The following MPP7 variants were observed in gnomAD, a reference collection of about 807,000 sequenced individuals.
The protein encoded by MPP7 is MAGUK p55 subfamily member 7.
Under a neutral mutation model 76.5 loss-of-function variants are expected in MPP7, and 60 were observed. The ratio of observed to expected loss-of-function variants is 0.78; its 90% confidence interval spans 0.64 to 0.97. The LOEUF (loss-of-function observed/expected upper bound fraction) is 0.97, where lower values mean the gene tolerates loss of function less well. Among genes scored for constraint, MPP7 ranks in the 50% least tolerant of loss-of-function variants. The pLI is 0.00. For synonymous variants in MPP7, 237 were observed against 244.5 expected (o/e 0.97, Z 0.29); for missense variants, 641 against 694.0 (o/e 0.92, Z 0.86).
At chr10:28,113,299 AC>A (rs1834561656) in intron 11 of MPP7, among the ~76,000 whole-genome samples, 1 of 150,876 alleles carries the variant, frequency 6.6e-6, no homozygotes, top group African/African-American at 2.4e-5. Context: ...ATCCCAGACA[AC>A]TCCCCTCTTC....
intron 1 of MPP7, among the ~76,000 whole-genome samples, chr10:28,273,419 G>A (rs77981958): frequency 0.014 from 2,130 of 152,280 alleles, 50 homozygotes; most frequent in African/African-American, 0.048. Context: ...TTCAGATCAA[G>A]GTGTTTTGTC....
intron 2 of MPP7, among the ~76,000 whole-genome samples, chr10:28,210,173 C>T (rs1285920842): frequency 5.9e-5 from 9 of 152,182 alleles, no homozygotes; most frequent in Non-Finnish European, 1.2e-4. Flanking sequence ...TGGTTCTCCA[C>T]GTTGCAGATG....
intron 7 of MPP7, among the ~76,000 whole-genome samples, chr10:28,124,643 T>TTG (rs1378614470): frequency 1.2e-5 from 1 of 86,838 alleles, no homozygotes; most frequent in African/African-American, 7.1e-5. Flanking sequence ...ACTTGACTAA[T>TTG]TTTTTTTTTT....
intron 3 of MPP7, among the ~76,000 whole-genome samples, chr10:28,198,473 G>A (rs1231754513): frequency 1.3e-5 from 2 of 151,948 alleles, no homozygotes; most frequent in Admixed American, 1.3e-4. Context: ...TACTTAGGAG[G>A]CTGAGGCATG....
rs543121259 is a variant in MPP7, at chr10:28,207,151, G to GA, written c.38-4881dup. On this transcript the variant is annotated intron_variant, in intron 2 of 16. Transcript: ENST00000683449. Reference sequence around the variant, plus strand: ...TTCTCTGAGAAAGAATTTTAAGGAGGAAAAAAAATCTCACCTTATATTTGG... The same window carrying GA: ...TTCTCTGAGAAAGAATTTTAAGGAGGAAAAAAAAATCTCACCTTATATTTGG... Among the ~76,000 whole-genome samples the GA allele has an allele frequency of 3.6e-3, 550 of 151,504 alleles. 4 individuals are homozygous for GA. The highest frequency in any genetic ancestry group is 6.1e-3 in the Non-Finnish European group (412 of 67,810).
intron 1 of MPP7, among the ~76,000 whole-genome samples, chr10:28,290,256 C>T (rs1433947538): frequency 6.6e-6 from 1 of 151,552 alleles, no homozygotes; most frequent in Non-Finnish European, 1.5e-5. Flanking sequence ...CTAAGTGGCC[C>T]CACTCACGAA....
intron 5 of MPP7, among the ~76,000 whole-genome samples, chr10:28,139,760 T>G (rs1382963254): frequency 6.6e-6 from 1 of 152,210 alleles, no homozygotes; most frequent in African/African-American, 2.4e-5. Context: ...ATGATTATCT[T>G]ATTTCAGGAA....
intron 3 of MPP7, among the ~76,000 whole-genome samples, chr10:28,184,130 A>G (rs950528325): frequency 6.7e-6 from 1 of 149,520 alleles, no homozygotes; most frequent in East Asian, 1.9e-4. Context: ...ATTAAGATAT[A>G]TATCTTACAT....
At chr10:28,104,989 T>C (rs929382465) in intron 11 of MPP7, among the ~76,000 whole-genome samples, 2 of 152,040 alleles carry the variant, frequency 1.3e-5, no homozygotes, top group South Asian at 2.1e-4. Flanking sequence ...GAAGCTATTT[T>C]TTCTAAGACC....
At chr10:28,284,762 T>C (rs1319975454) in intron 1 of MPP7, among the ~76,000 whole-genome samples, 1 of 152,228 alleles carries the variant, frequency 6.6e-6, no homozygotes, top group Non-Finnish European at 1.5e-5. Flanking sequence ...ACTTACTCTA[T>C]TATGAACCTT....
At chr10:28,325,568 G>A (rs565522544) in intron 2 of MPP7, among the ~76,000 whole-genome samples, 23 of 151,862 alleles carry the variant, frequency 1.5e-4, no homozygotes, top group Admixed American at 7.9e-4. Flanking sequence ...ATCTCAGCTC[G>A]CTGCAACCTC....
chr10:28,193,639 C>A (rs1027720229), intron 3 of MPP7, among the ~76,000 whole-genome samples: 1 of 152,006 alleles, frequency 6.6e-6, no homozygotes, highest in Non-Finnish European at 1.5e-5. Context: ...AAAAGACAAA[C>A]TGGGAGAAAA....
At chr10:28,145,768 C>T (rs191406275) in intron 5 of MPP7, among the ~76,000 whole-genome samples, 2 of 150,888 alleles carry the variant, frequency 1.3e-5, no homozygotes, top group Non-Finnish European at 2.9e-5. Context: ...TCTTTAGTCA[C>T]ACTGCTAGAT....
rs1039118784 is a variant in MPP7 at position 28,191,844 on chromosome 10, C to T, written c.156+10309G>A. Among the ~76,000 whole-genome samples the T allele has an allele frequency of 2.6e-5, 4 of 152,114 alleles. No individual in the cohort carries two copies. In the East Asian group the frequency reaches 5.8e-4, roughly 22 times the overall value. On this transcript the variant is annotated intron_variant, in intron 3 of 16. Coordinates refer to ENST00000683449, the MANE Select transcript of MPP7 (RefSeq NM_001318170.2). ...AACAGAAGCAAAAATATTTTTAAGG[C>T]TGGGTGCAGTGGTTCACGCCTATAA... is the stretch of plus-strand genomic sequence containing the variant.
At chr10:28,120,570 G>A (rs889128892) in intron 9 of MPP7, 24 bp downstream of exon 9, 3 of 1,605,988 alleles carry the variant, frequency 1.9e-6, no homozygotes, top group Non-Finnish European at 2.6e-6. Context: ...CACGCACGAA[G>A]AAATGTTTTT....
intron 11 of MPP7, among the ~76,000 whole-genome samples, chr10:28,102,487 T>C (rs1458026202): frequency 5.9e-5 from 9 of 152,214 alleles, no homozygotes; most frequent in Admixed American, 5.9e-4. Context: ...CAGTGATAGC[T>C]TATTAAATAT....
At chr10:28,056,756 T>A in intron 15 of MPP7, 133 bp from the exon 16 acceptor site, 2 of 678,400 alleles carry the variant, frequency 2.9e-6, no homozygotes, top group Non-Finnish European at 4.5e-6. Context: ...ATTATTCAAT[T>A]AACTGTTGAC....
At chr10:28,278,542 G>C (rs907455867) in intron 1 of MPP7, among the ~76,000 whole-genome samples, 1 of 151,510 alleles carries the variant, frequency 6.6e-6, no homozygotes, top group African/African-American at 2.4e-5. Flanking sequence ...ATGTCATCTG[G>C]TCTCTATATC....
chr10:28,167,314 A>AAAAAAAC (rs1205241324), intron 3 of MPP7, among the ~76,000 whole-genome samples: 42 of 137,972 alleles, frequency 3.0e-4, no homozygotes, highest in East Asian at 9.3e-4. Context: ...CTGCCTCAAA[A>AAAAAAAC]AAACAAACAA....
Sources: allele counts gnomAD v4.1 joint callset (sites outside exome capture counted in the v4.1 genomes callset), GRCh38; gene constraint gnomAD v4.1.1; transcripts MANE v1.5; gene names NCBI Gene and HGNC (gene_info 2026-07-23, HGNC 2026-07-21).